INTS8: variants seen among roughly 807,000 people sequenced by gnomAD.
INTS8 encodes protein kaonashi-1.
A neutral mutation model predicts 138.9 loss-of-function variants in INTS8; 47 were observed. The ratio of observed to expected loss-of-function variants is 0.34; its 90% CI spans 0.27 to 0.43. INTS8 has a LOEUF of 0.43. Ranked by LOEUF, INTS8 falls within the 20% of genes least tolerant of loss-of-function variation. The pLI is 1.00. For missense variants in INTS8, 996 were observed against 1,173.0 expected (o/e 0.85, Z 2.20); for synonymous variants, 392 against 400.9 (o/e 0.98, Z 0.27).
chr8:94,870,287 G>A (rs1299994803), intron 20 of INTS8, among the ~76,000 whole-genome samples: 3 of 152,018 alleles, frequency 2.0e-5, no homozygotes, highest in Non-Finnish European at 2.9e-5. Flanking sequence ...TCCTGACCTC[G>A]TGATCCACCT....
chr8:94,864,468 G>A (rs1329614256), intron 16 of INTS8, among the ~76,000 whole-genome samples: 1 of 152,180 alleles, frequency 6.6e-6, no homozygotes, highest in East Asian at 1.9e-4. Context: ...AGCACTTTGG[G>A]AGGCCGAGGC....
At chr8:94,858,587 T>G (rs1252829980) in intron 15 of INTS8, among the ~76,000 whole-genome samples, 1 of 152,250 alleles carries the variant, frequency 6.6e-6, no homozygotes, top group African/African-American at 2.4e-5. Context: ...GGCATTGTTC[T>G]AAGCTTCAGG....
rs372806887 is a variant in INTS8 at position 94,876,036 on chromosome 8, C to A, written c.2689-38C>A. 5.3e-5 allele frequency: 72 copies of A among 1,353,244 alleles called. No individual in the cohort carries two copies. The African/African-American group carries it at 8.4e-4, about 16-fold the overall frequency. 83.8% of individuals were successfully genotyped at this position (1,353,244 alleles called of 1,614,324 possible). A position where few individuals can be genotyped will look rare whatever the true frequency, so the allele number is the denominator to read the frequency against. ...AGATTACCTTGTAAAACCAAGCTTT[C>A]ATTACATGAAACCATTTTCAAATCT... On this transcript the variant is annotated intron_variant, in intron 23 of 26. Transcript: ENST00000523731.
Position 94,827,305 on chromosome 8 carries a change from C to T in INTS8, c.348C>T (p.Leu116=). 1 of 1,613,264 alleles carries T rather than the reference C, an allele frequency of 6.2e-7. No homozygotes were observed. The highest frequency in any genetic ancestry group is 2.2e-5 in the East Asian group (1 of 44,886). ...PVLNMLLNEL[L]CISKVPPGTK... is the part of the protein sequence containing the mutation. The stretch of plus-strand genomic sequence containing the variant: ...TGAATATGCTACTAAATGAACTACT[C>T]TGCATCAGTAAAGTTCCTCCTGGGA... Residue 116 remains leucine (L), a synonymous_variant, in exon 3 of 27, where the codon CTC becomes CTT. Transcript: ENST00000523731.
chr8:94,860,993 C>T (rs1001276900), intron 16 of INTS8, among the ~76,000 whole-genome samples: 24 of 145,176 alleles, frequency 1.7e-4, no homozygotes, highest in African/African-American at 5.9e-4. Context: ...GGAGGCGGAG[C>T]TTGCAGTGAG....
Position 94,876,215 on chromosome 8 carries a change from T to G in INTS8, c.2763-6T>G. On this transcript the variant is annotated splice_polypyrimidine_tract_variant and splice_region_variant and intron_variant, in intron 24 of 26. Transcript: ENST00000523731. ...GCTTAAGAAGTAACTGAATTCTGTC[T>G]TTCAGTCATGATGCTATGGACTCCT... 1 of 1,610,058 alleles carries G rather than the reference T, an allele frequency of 6.2e-7. No individual in the cohort carries two copies. Among genetic ancestry groups the G allele is most frequent in the Non-Finnish European group, 8.5e-7 (1 of 1,176,788 alleles).
At chr8:94,825,211 G>GA (rs111568899) in intron 2 of INTS8, 144 bp downstream of exon 2, 106,655 of 524,076 alleles carry the variant, frequency 0.2, 11,992 homozygotes, top group African/African-American at 0.26. Flanking sequence ...GGCACTTTGG[G>GA]GGCCAAGGCT....
At chr8:94,870,053 A>ATT (rs879671607) in intron 20 of INTS8, among the ~76,000 whole-genome samples, 45 of 150,910 alleles carry the variant, frequency 3.0e-4, no homozygotes, top group Non-Finnish European at 4.1e-4. Flanking sequence ...ATTTTTATTT[A>ATT]TTTATTTTTT....
chr8:94,873,973 A>G (rs1422086051), intron 22 of INTS8, among the ~76,000 whole-genome samples: 1 of 152,068 alleles, frequency 6.6e-6, no homozygotes, highest in African/African-American at 2.4e-5. Context: ...TTTAAGATAT[A>G]CAGAATAATG....
At chr8:94,870,049 A>AT (rs1348996637) in intron 20 of INTS8, among the ~76,000 whole-genome samples, 7 of 150,322 alleles carry the variant, frequency 4.7e-5, no homozygotes, top group African/African-American at 7.4e-5. Context: ...ATATATTTTT[A>AT]TTTATTTATT....
At chr8:94,864,106 T>C (rs948379016) in intron 16 of INTS8, among the ~76,000 whole-genome samples, 1 of 152,204 alleles carries the variant, frequency 6.6e-6, no homozygotes, top group Admixed American at 6.5e-5. Context: ...AACAAAAAAA[T>C]TTATGTAGAT....
chr8:94,844,705 A>G (rs1271589351), intron 10 of INTS8, among the ~76,000 whole-genome samples: 2 of 148,746 alleles, frequency 1.3e-5, no homozygotes, highest in African/African-American at 2.5e-5. Flanking sequence ...TTTTTTACCA[A>G]TTTTAAATAT....
chr8:94,874,413 A>G, intron 22 of INTS8, 139 bp from the exon 23 acceptor site: 1 of 615,666 alleles, frequency 1.6e-6, no homozygotes, highest in Non-Finnish European at 2.9e-6. Context: ...GCAAAATTGA[A>G]TAAAAGGTAC....
chr8:94,837,110 C>T (rs573442727), intron 7 of INTS8, among the ~76,000 whole-genome samples: 1 of 152,214 alleles, frequency 6.6e-6, no homozygotes, highest in South Asian at 2.1e-4. Context: ...TATAATTTAT[C>T]AAACCACATT....
chr8:94,854,080 C>T (rs1815654432), intron 14 of INTS8, among the ~76,000 whole-genome samples, 165 bp downstream of exon 14: 1 of 151,592 alleles, frequency 6.6e-6, no homozygotes, highest in Non-Finnish European at 1.5e-5. Flanking sequence ...ACTAAAAATA[C>T]AAAAATTAGC....
intron 13 of INTS8, among the ~76,000 whole-genome samples, chr8:94,853,592 T>TAGTAATC (rs941747787): frequency 7.2e-5 from 11 of 152,210 alleles, no homozygotes; most frequent in African/African-American, 2.4e-4. Flanking sequence ...TTTTTCCTAA[T>TAGTAATC]AGTAATCCCA....
intron 15 of INTS8, 71 bp downstream of exon 15, chr8:94,857,049 C>T (rs914366321): frequency 7.3e-6 from 8 of 1,089,144 alleles, no homozygotes; most frequent in South Asian, 2.9e-5. Flanking sequence ...AATTTAAAAG[C>T]AGATTTATTT....
Position 94,838,446 on chromosome 8 carries a change from T to C in INTS8, c.862-17T>C, listed in dbSNP as rs368747539. 2 of 1,593,638 alleles carry C rather than the reference T, an allele frequency of 1.3e-6. No homozygotes were observed. The highest frequency in any genetic ancestry group is 1.7e-5 in the Admixed American group (1 of 59,892). Reference sequence around the variant, plus strand: ...TATTACATGAATGGATAATGGTGTATACCTCTTACTTTACAGATAGGTTCA... The same window carrying C: ...TATTACATGAATGGATAATGGTGTACACCTCTTACTTTACAGATAGGTTCA... On this transcript the variant is annotated splice_polypyrimidine_tract_variant and intron_variant, in intron 7 of 26. Transcript: ENST00000523731.
At chr8:94,868,331 C>T (rs1257101037) in intron 20 of INTS8, among the ~76,000 whole-genome samples, 2 of 152,156 alleles carry the variant, frequency 1.3e-5, no homozygotes, top group African/African-American at 4.8e-5. Flanking sequence ...TGTTATTACT[C>T]TTAGTGGCAT....
Sources: gnomAD v4.1 joint callset for allele counts (sites outside exome capture counted in the v4.1 genomes callset) on GRCh38, gnomAD v4.1.1 for gene constraint, MANE v1.5 for transcripts, NCBI Gene and HGNC (gene_info 2026-07-23, HGNC 2026-07-21) for gene names.